BICRAL: variants seen among roughly 807,000 people sequenced by gnomAD.
BICRAL encodes BICRA like chromatin remodeling complex associated protein.
A neutral mutation model predicts 91.8 loss-of-function variants in BICRAL; 8 were observed. The observed-to-expected ratio is 0.09, with a 90% CI of 0.05 to 0.16. BICRAL has a LOEUF of 0.16. Among genes scored for constraint, BICRAL ranks in the 10% least tolerant of loss-of-function variants. The pLI is 1.00. For missense variants in BICRAL, 1,038 were observed against 1,310.9 expected (o/e 0.79, Z 3.21); for synonymous variants, 445 against 491.1 (o/e 0.91, Z 1.24).
At chr6:42,860,481 AAAAACTT>A in intron 11 of BICRAL, 125 bp downstream of exon 11, 1 of 595,904 alleles carries the variant, frequency 1.7e-6, no homozygotes, top group Non-Finnish European at 3.0e-6. Context: ...CACACTGTAG[AAAAACTT>A]ACGCTTAGCT....
At chr6:42,818,027 T>A (rs1764046502) in intron 2 of BICRAL, among the ~76,000 whole-genome samples, 1 of 148,032 alleles carries the variant, frequency 6.8e-6, no homozygotes, top group Non-Finnish European at 1.5e-5. Flanking sequence ...TACCTGGAAA[T>A]GGATTTGCTT....
intron 6 of BICRAL, among the ~76,000 whole-genome samples, chr6:42,837,781 A>T (rs1042174126): frequency 6.6e-6 from 1 of 151,802 alleles, no homozygotes; most frequent in African/African-American, 2.4e-5. Flanking sequence ...ATCAAATGGT[A>T]CAGAAAGATG....
At chr6:42,821,869 A>C in intron 2 of BICRAL, 149 bp from the exon 3 acceptor site, 1 of 459,818 alleles carries the variant, frequency 2.2e-6, no homozygotes, top group Non-Finnish European at 3.9e-6. Flanking sequence ...CAAAATTTTT[A>C]AAATTACATT....
At chr6:42,826,809 A>G (rs1322586816) in intron 5 of BICRAL, among the ~76,000 whole-genome samples, 2 of 151,036 alleles carry the variant, frequency 1.3e-5, no homozygotes, top group African/African-American at 4.9e-5. Flanking sequence ...TTTTTGAGAC[A>G]AAGTTTCGCT....
intron 1 of BICRAL, among the ~76,000 whole-genome samples, chr6:42,798,978 A>G (rs1178503267): frequency 6.6e-6 from 1 of 152,142 alleles, no homozygotes; most frequent in Non-Finnish European, 1.5e-5. Flanking sequence ...TACTTTTCCT[A>G]AATATTTTCA....
chr6:42,783,233 T>C (rs1762983841), intron 1 of BICRAL, among the ~76,000 whole-genome samples: 1 of 151,574 alleles, frequency 6.6e-6, no homozygotes. Flanking sequence ...CCGCCGAGGA[T>C]CCGCGGCCGC....
intron 1 of BICRAL, among the ~76,000 whole-genome samples, chr6:42,753,313 C>G (rs1024113288): frequency 1.2e-4 from 19 of 152,226 alleles, no homozygotes; most frequent in African/African-American, 4.6e-4. Flanking sequence ...ATCCTCCTGC[C>G]TCGGCCTTCC....
chr6:42,812,859 A>G lies in BICRAL; in HGVS notation c.-6+2458A>G, dbSNP rs115151173. 7.1e-3 allele frequency among the ~76,000 whole-genome samples: 1,087 copies of G among 152,150 alleles called. 6 individuals carry two copies. The highest frequency in any genetic ancestry group is 0.023 in the African/African-American group (960 of 41,522). On this transcript the variant is annotated intron_variant, in intron 2 of 12. Transcript: ENST00000314073. Reference sequence around the variant, plus strand: ...CCAGCCTCCTGGACAACATAGTAAAACCCTGTCTCTACAGAAAATACAGAA... The same window carrying G: ...CCAGCCTCCTGGACAACATAGTAAAGCCCTGTCTCTACAGAAAATACAGAA...
At chr6:42,782,812 AG>A (rs1762959441) in intron 1 of BICRAL, among the ~76,000 whole-genome samples, 1 of 151,966 alleles carries the variant, frequency 6.6e-6, no homozygotes, top group South Asian at 2.1e-4. Flanking sequence ...GGCCGCGAGC[AG>A]GGGGCAGGGA....
chr6:42,819,802 C>G (rs565923970), intron 2 of BICRAL, among the ~76,000 whole-genome samples: 73 of 152,124 alleles, frequency 4.8e-4, no homozygotes, highest in African/African-American at 1.7e-3. Flanking sequence ...CTTTAAAAAG[C>G]AGAATTCTCA....
chr6:42,814,121 G>A (rs1396222428), intron 2 of BICRAL, among the ~76,000 whole-genome samples: 1 of 150,720 alleles, frequency 6.6e-6, no homozygotes, highest in African/African-American at 2.4e-5. Flanking sequence ...ACCTTTTAGA[G>A]GTAAATTTGT....
At chr6:42,817,577 GCAAA>G (rs1764028197) in intron 2 of BICRAL, among the ~76,000 whole-genome samples, 1 of 151,436 alleles carries the variant, frequency 6.6e-6, no homozygotes, top group Non-Finnish European at 1.5e-5. Context: ...CTACGCTCAA[GCAAA>G]CAATCCTCCC....
chr6:42,755,203 G>A (rs931981381), intron 1 of BICRAL, among the ~76,000 whole-genome samples: 6 of 152,128 alleles, frequency 3.9e-5, no homozygotes, highest in African/African-American at 1.4e-4. Flanking sequence ...TGGATGTTGA[G>A]CAAATACTTG....
intron 6 of BICRAL, 124 bp from the exon 7 acceptor site, chr6:42,851,968 T>G: frequency 1.6e-6 from 1 of 609,852 alleles, no homozygotes. Context: ...ATTAAATTTT[T>G]GGTTTGTTTA....
intron 6 of BICRAL, among the ~76,000 whole-genome samples, chr6:42,835,075 T>A (rs1764600161): frequency 6.6e-6 from 1 of 152,078 alleles, no homozygotes; most frequent in South Asian, 2.1e-4. Flanking sequence ...TTCATCCAAG[T>A]CTCTCTCTTT....
intron 1 of BICRAL, among the ~76,000 whole-genome samples, chr6:42,798,556 C>T (rs1283589989): frequency 2.0e-5 from 3 of 151,960 alleles, no homozygotes; most frequent in South Asian, 2.1e-4. Flanking sequence ...ATTAGCCAGG[C>T]GTGGTGGCAG....
chr6:42,751,627 A>G (rs1762381559), intron 1 of BICRAL, among the ~76,000 whole-genome samples: 2 of 151,728 alleles, frequency 1.3e-5, no homozygotes, highest in South Asian at 4.1e-4. Context: ...CACCCAGGCA[A>G]ATAAAAGGAC....
intron 6 of BICRAL, among the ~76,000 whole-genome samples, chr6:42,844,474 A>C (rs1490399493): frequency 8.4e-5 from 11 of 130,876 alleles, no homozygotes; most frequent in African/African-American, 3.0e-4. Context: ...GCGCCACTGC[A>C]CTCCAGCGTG....
At position 42,830,058 on chromosome 6, in the gene BICRAL, C is replaced by T. The variant is rs1764429148; in HGVS notation, c.1725C>T (p.Asn575=). 1.9e-6 allele frequency: 3 copies of T among 1,614,076 alleles called. No homozygotes were observed. Among genetic ancestry groups the T allele is most frequent in the Non-Finnish European group, 2.5e-6 (3 of 1,180,050 alleles). ...CAGGAGATCAGCTGACCCAGCCAAACAGGACTCCAGTACCAGTCAGTGTGT... is the reference window on the plus strand; with the variant it reads ...CAGGAGATCAGCTGACCCAGCCAAATAGGACTCCAGTACCAGTCAGTGTGT... The part of the protein sequence containing the change: ...NFTGDQLTQP[N]RTPVPVSVSH... Residue 575 remains asparagine (N), a synonymous_variant, in exon 6 of 13, where the codon AAC becomes AAT. Transcript: ENST00000314073.
Sources: gnomAD v4.1 joint callset for allele counts (sites outside exome capture counted in the v4.1 genomes callset) on GRCh38, gnomAD v4.1.1 for gene constraint, MANE v1.5 for transcripts, NCBI Gene and HGNC (gene_info 2026-07-23, HGNC 2026-07-21) for gene names.